DYNC2I1: variants seen among roughly 807,000 people sequenced by gnomAD.
DYNC2I1 encodes dynein 2 intermediate chain 1, also known as cytoplasmic dynein 2 intermediate chain 1.
In DYNC2I1, 89 loss-of-function variants were observed where a neutral mutation model predicts 133.4. That is an observed-to-expected ratio of 0.67 (90% CI 0.56 to 0.80). The LOEUF (loss-of-function observed/expected upper bound fraction) is 0.80, where lower values mean the gene tolerates loss of function less well. Ranked by LOEUF, DYNC2I1 falls within the 30% of genes least tolerant of loss-of-function variation. The pLI is 0.00. For missense variants in DYNC2I1, 1,291 were observed against 1,314.5 expected (o/e 0.98, Z 0.28); for synonymous variants, 504 against 484.3 (o/e 1.04, Z -0.54).
the DYNC2I1 span, among the ~76,000 whole-genome samples, chr7:158,839,483 A>AG: frequency 6.6e-6 from 1 of 152,184 alleles, no homozygotes; most frequent in African/African-American, 2.4e-5. Context: ...AAACCTAAAG[A>AG]GGATGGGAAA....
chr7:158,841,158 AATATATATATATATATATATAT>A, the DYNC2I1 span, among the ~76,000 whole-genome samples: 1,797 of 66,412 alleles, frequency 0.027, 103 homozygotes, highest in Middle Eastern at 0.034. Context: ...TAGGTCTGCA[AATATATATATATATATATATAT>A]ATATATATAT....
chr7:158,916,102 A>C (rs1184964549), intron 14 of DYNC2I1, among the ~76,000 whole-genome samples: 1 of 82,756 alleles, frequency 1.2e-5, no homozygotes, highest in Non-Finnish European at 3.0e-5. Flanking sequence ...TGAAACGTCG[A>C]CACGCTGGTT....
At chr7:158,875,506 G>A (rs1437590799) in intron 3 of DYNC2I1, among the ~76,000 whole-genome samples, 1 of 152,024 alleles carries the variant, frequency 6.6e-6, no homozygotes, top group South Asian at 2.1e-4. Context: ...TGCCTTTTTT[G>A]TGTGCAGATT....
chr7:158,879,557 G>A (rs1035183247), intron 4 of DYNC2I1, 127 bp from the exon 5 acceptor site: 5 of 1,005,664 alleles, frequency 5.0e-6, no homozygotes, highest in South Asian at 2.0e-5. Context: ...CTACAGACAC[G>A]ATTTTCTTCA....
At chr7:158,916,571 C>T (rs371706672) in intron 14 of DYNC2I1, among the ~76,000 whole-genome samples, 1 of 46,588 alleles carries the variant, frequency 2.1e-5, no homozygotes, top group African/African-American at 7.6e-5. Flanking sequence ...CGCTGGTTGA[C>T]ATTAAGGATG....
intron 21 of DYNC2I1, among the ~76,000 whole-genome samples, chr7:158,933,270 A>T (rs1850407090): frequency 6.6e-6 from 1 of 152,192 alleles, no homozygotes; most frequent in Non-Finnish European, 1.5e-5. Context: ...AAAGGAAAGG[A>T]AAATCTCTAA....
chr7:158,845,935 T>G, the DYNC2I1 span, among the ~76,000 whole-genome samples: 1 of 152,264 alleles, frequency 6.6e-6, no homozygotes, highest in Non-Finnish European at 1.5e-5. Flanking sequence ...ATATTTTTTG[T>G]CTACTTCAAA....
Position 158,890,555 on chromosome 7 carries a change from ACT to A in DYNC2I1, c.991-709_991-708del, listed in dbSNP as rs1400935145. Among the ~76,000 whole-genome samples, 6 of 152,084 alleles carry A rather than the reference ACT, an allele frequency of 3.9e-5. No homozygotes were observed. The East Asian group carries it at 1.2e-3, about 29-fold the overall frequency. On this transcript the variant is annotated intron_variant, in intron 7 of 24. Transcript: ENST00000407559. ...ATTTTCTTCATGAATAATACTTTAT[ACT>A]GTCACCAGTTTTAGACACTGCCTAG... is the stretch of plus-strand genomic sequence containing the variant.
chr7:158,921,825 C>T (rs542044168), intron 15 of DYNC2I1, among the ~76,000 whole-genome samples: 2 of 152,312 alleles, frequency 1.3e-5, no homozygotes, highest in East Asian at 1.9e-4. Context: ...TCCTGTTTCA[C>T]GAGCTCCATC....
chr7:158,873,423 T>G (rs1843057176), intron 3 of DYNC2I1, among the ~76,000 whole-genome samples: 1 of 152,184 alleles, frequency 6.6e-6, no homozygotes, highest in Non-Finnish European at 1.5e-5. Flanking sequence ...GTTTATCCCC[T>G]TCACTGCTGG....
Position 158,902,430 on chromosome 7 carries a change from G to A in DYNC2I1, c.1192G>A (p.Glu398Lys). 6.2e-7 allele frequency: 1 copy of A among 1,613,826 alleles called. No individual in the cohort carries two copies. The highest frequency in any genetic ancestry group is 8.5e-7 in the Non-Finnish European group (1 of 1,179,876). ...TGGTGATGATGATGAAAGCAGTAAT[G>A]AACCTGAGTCAAGAGAAAAACTGGA... is the stretch of plus-strand genomic sequence containing the variant. ...CDGDDDESSN[E>K]PESREKLEEL... The change falls in exon 10 of 25, where the codon GAA (glutamate) becomes AAA (lysine). Residue 398 changes from glutamate to lysine, a missense_variant. Glu to Lys is a moderately conservative substitution (Grantham distance 56). Transcript: ENST00000407559.
chr7:158,925,170 G>A lies in DYNC2I1; in HGVS notation c.2258-1017G>A, dbSNP rs147536099. ...AGTCAGAGGAACCAAATTCTCACCCGGGAGACCAGCCCTTTCCTCAGTCGA... is the reference window on the plus strand; with the variant it reads ...AGTCAGAGGAACCAAATTCTCACCCAGGAGACCAGCCCTTTCCTCAGTCGA... On this transcript the variant is annotated intron_variant, in intron 17 of 24. Transcript: ENST00000407559. Among the ~76,000 whole-genome samples the A allele has an allele frequency of 3.2e-4, 48 of 152,272 alleles. 1 individual carries two copies. The highest frequency in any genetic ancestry group is 1.0e-3 in the South Asian group (5 of 4,824).
At chr7:158,869,522 C>T (rs1269653601) in intron 1 of DYNC2I1, 10 of 484,216 alleles carry the variant, frequency 2.1e-5, no homozygotes, top group African/African-American at 3.9e-5. Flanking sequence ...TTGGAAAATA[C>T]AGTCTGACAC....
intron 4 of DYNC2I1, among the ~76,000 whole-genome samples, chr7:158,877,511 A>G (rs902347495): frequency 6.6e-6 from 1 of 152,270 alleles, no homozygotes; most frequent in African/African-American, 2.4e-5. Flanking sequence ...TTAGCTTTAC[A>G]TAAAAGTTGT....
intron 15 of DYNC2I1, among the ~76,000 whole-genome samples, chr7:158,919,178 C>T (rs925297037): frequency 1.3e-5 from 2 of 152,214 alleles, no homozygotes; most frequent in Non-Finnish European, 2.9e-5. Context: ...TTTCTTTTCT[C>T]TTCCAGTTAT....
In DYNC2I1 at chr7:158,891,347, G is replaced by A. The variant is rs112908949; in HGVS notation, c.1059+14G>A. On this transcript the variant is annotated intron_variant, in intron 8 of 24. Transcript: ENST00000407559. ...GAGGAAACCGTGGTAAGGAGAGTACGTCTTCTTATAGTTTGCAATCCTGTC... is the reference window on the plus strand; with the variant it reads ...GAGGAAACCGTGGTAAGGAGAGTACATCTTCTTATAGTTTGCAATCCTGTC... The A allele has an allele frequency of 1.2e-5, 19 of 1,613,858 alleles. No homozygotes were observed. The highest frequency in any genetic ancestry group is 9.3e-5 in the African/African-American group (7 of 75,068).
At chr7:158,844,660 T>G in the DYNC2I1 span, among the ~76,000 whole-genome samples, 1 of 152,104 alleles carries the variant, frequency 6.6e-6, no homozygotes, top group Non-Finnish European at 1.5e-5. Flanking sequence ...TTCGCTCTTG[T>G]TGCCCAGGCT....
intron 24 of DYNC2I1, among the ~76,000 whole-genome samples, chr7:158,943,671 T>C (rs1851595809): frequency 6.6e-6 from 1 of 152,092 alleles, no homozygotes; most frequent in African/African-American, 2.4e-5. Flanking sequence ...TGTGATGGAC[T>C]CCAAACGTGG....
At chr7:158,908,732 C>T (rs957334639) in intron 11 of DYNC2I1, among the ~76,000 whole-genome samples, 11 of 152,166 alleles carry the variant, frequency 7.2e-5, no homozygotes, top group African/African-American at 2.7e-4. Flanking sequence ...CCACCCCTTC[C>T]CCTGAGCCGG....
Sources: gnomAD v4.1 joint callset for allele counts (sites outside exome capture counted in the v4.1 genomes callset) on GRCh38, gnomAD v4.1.1 for gene constraint, MANE v1.5 for transcripts, NCBI Gene and HGNC (gene_info 2026-07-23, HGNC 2026-07-21) for gene names.